POFUT3: variants seen among roughly 807,000 people sequenced by gnomAD.
POFUT3 encodes protein O-fucosyltransferase 3.
At chr8:33,453,517 G>T in the POFUT3 span, 12 of 1,584,882 alleles carry the variant, frequency 7.6e-6, no homozygotes, top group African/African-American at 1.6e-4. Context: ...TGACCTAAAA[G>T]AGAAGACAAT....
At chr8:33,323,350 A>G in the POFUT3 span, among the ~76,000 whole-genome samples, 1 of 152,220 alleles carries the variant, frequency 6.6e-6, no homozygotes, top group South Asian at 2.1e-4. Context: ...CAGGAATGAC[A>G]GTGCGTTGCA....
the POFUT3 span, among the ~76,000 whole-genome samples, chr8:33,395,791 C>T: frequency 6.6e-6 from 1 of 152,230 alleles, no homozygotes; most frequent in South Asian, 2.1e-4. Context: ...GGCTGGTATG[C>T]GGTTTGTTCC....
chr8:33,350,636 A>T, the POFUT3 span, among the ~76,000 whole-genome samples: 1 of 152,230 alleles, frequency 6.6e-6, no homozygotes, highest in Admixed American at 6.5e-5. Flanking sequence ...ATAGAAAAAG[A>T]TCCTGATTTC....
At chr8:33,388,709 C>T in the POFUT3 span, among the ~76,000 whole-genome samples, 2 of 152,122 alleles carry the variant, frequency 1.3e-5, no homozygotes, top group African/African-American at 4.8e-5. Flanking sequence ...CCAGCACCTG[C>T]AGCACGGGAT....
chr8:33,345,821 T>C, the POFUT3 span, among the ~76,000 whole-genome samples: 1 of 147,794 alleles, frequency 6.8e-6, no homozygotes, highest in Non-Finnish European at 1.5e-5. Context: ...AGTTGGTATT[T>C]ATTACTTTTT....
At chr8:33,339,120 T>C in the POFUT3 span, among the ~76,000 whole-genome samples, 1 of 152,032 alleles carries the variant, frequency 6.6e-6, no homozygotes, top group Non-Finnish European at 1.5e-5. Context: ...GGGAAAAATT[T>C]TTAAAGGAGC....
At chr8:33,403,811 A>G in the POFUT3 span, among the ~76,000 whole-genome samples, 1 of 152,134 alleles carries the variant, frequency 6.6e-6, no homozygotes, top group African/African-American at 2.4e-5. Flanking sequence ...GTCCCAAAAC[A>G]CCCTATCCTG....
chr8:33,347,594 C>T, the POFUT3 span, among the ~76,000 whole-genome samples: 2 of 152,152 alleles, frequency 1.3e-5, no homozygotes, highest in African/African-American at 4.8e-5. Context: ...TTAACATAAA[C>T]CATGAACTGG....
chr8:33,410,226 G>A, the POFUT3 span, among the ~76,000 whole-genome samples: 1 of 152,144 alleles, frequency 6.6e-6, no homozygotes, highest in Non-Finnish European at 1.5e-5. Flanking sequence ...GGGACCAGAG[G>A]ACCCAAAGAG....
the POFUT3 span, among the ~76,000 whole-genome samples, chr8:33,459,476 C>CAA: frequency 1.3e-5 from 2 of 151,418 alleles, no homozygotes; most frequent in African/African-American, 4.9e-5. Context: ...CCCATCTCTA[C>CAA]AAAAAAATTA....
the POFUT3 span, among the ~76,000 whole-genome samples, chr8:33,400,247 T>A: frequency 6.6e-6 from 1 of 151,104 alleles, no homozygotes; most frequent in African/African-American, 2.4e-5. Flanking sequence ...AGGCCAGGAA[T>A]TCGAGACCAG....
At chr8:33,354,514 G>A in the POFUT3 span, among the ~76,000 whole-genome samples, 15 of 152,214 alleles carry the variant, frequency 9.9e-5, 1 homozygote, top group Middle Eastern at 6.8e-3. Flanking sequence ...GAGATAATTC[G>A]CTCTTCTTGG....
At chr8:33,388,385 G>A in the POFUT3 span, among the ~76,000 whole-genome samples, 2 of 135,398 alleles carry the variant, frequency 1.5e-5, no homozygotes, top group East Asian at 2.3e-4. Flanking sequence ...CGCCCAGGCT[G>A]TAGTATTGTG....
At chr8:33,308,323 G>A in the POFUT3 span, among the ~76,000 whole-genome samples, 3 of 152,180 alleles carry the variant, frequency 2.0e-5, no homozygotes, top group African/African-American at 7.2e-5. Context: ...AAAGAAGGCA[G>A]CAAAGAGAGC....
the POFUT3 span, among the ~76,000 whole-genome samples, chr8:33,427,855 G>A: frequency 4.6e-5 from 7 of 152,050 alleles, no homozygotes; most frequent in African/African-American, 1.2e-4. Flanking sequence ...AGCCTGGCGC[G>A]GTGGCTTACA....
chr8:33,423,186 C>T, the POFUT3 span, among the ~76,000 whole-genome samples: 1 of 152,158 alleles, frequency 6.6e-6, no homozygotes, highest in African/African-American at 2.4e-5. Context: ...ATTCCCTACA[C>T]TGGTATTCAC....
At chr8:33,457,606 T>G in the POFUT3 span, among the ~76,000 whole-genome samples, 2 of 152,126 alleles carry the variant, frequency 1.3e-5, no homozygotes, top group Admixed American at 6.6e-5. Flanking sequence ...TTTTATTGGG[T>G]ATAATAGTAG....
the POFUT3 span, among the ~76,000 whole-genome samples, chr8:33,463,998 G>A: frequency 4.6e-5 from 7 of 152,068 alleles, no homozygotes; most frequent in Admixed American, 1.3e-4. Context: ...CTGCCTGCCA[G>A]GATTCAAATC....
the POFUT3 span, among the ~76,000 whole-genome samples, chr8:33,374,652 T>C: frequency 6.6e-6 from 1 of 152,198 alleles, no homozygotes; most frequent in Non-Finnish European, 1.5e-5. Flanking sequence ...CACAGTTACA[T>C]AAAATGATAG....
Sources: allele counts gnomAD v4.1 joint callset (sites outside exome capture counted in the v4.1 genomes callset), GRCh38; gene constraint gnomAD v4.1.1; transcripts MANE v1.5; gene names NCBI Gene and HGNC (gene_info 2026-07-23, HGNC 2026-07-21).